GPAT3: variants seen among roughly 807,000 people sequenced by gnomAD.
The protein encoded by GPAT3 is glycerol-3-phosphate acyltransferase 3.
Under a neutral mutation model 58.8 loss-of-function variants are expected in GPAT3, and 53 were observed. The observed-to-expected ratio is 0.90, with a 90% CI of 0.72 to 1.13. The LOEUF (loss-of-function observed/expected upper bound fraction) is 1.13, where lower values mean the gene tolerates loss of function less well. Ranked by LOEUF, GPAT3 falls within the 50% of genes most tolerant of loss-of-function variation. GPAT3 has a pLI of 0.00. For synonymous variants in GPAT3, 197 were observed against 187.4 expected (o/e 1.05, Z -0.42); for missense variants, 511 against 527.6 (o/e 0.97, Z 0.31).
At chr4:83,596,101 G>A (rs1265690316) in intron 7 of GPAT3, among the ~76,000 whole-genome samples, 2 of 152,266 alleles carry the variant, frequency 1.3e-5, no homozygotes, top group African/African-American at 4.8e-5. Context: ...CAGCTTCATG[G>A]TGTGCAAATG....
At chr4:83,557,136 G>A (rs921316595) in intron 2 of GPAT3, among the ~76,000 whole-genome samples, 1 of 152,162 alleles carries the variant, frequency 6.6e-6, no homozygotes, top group Admixed American at 6.5e-5. Flanking sequence ...ACTAGTCTTG[G>A]CAGATGCAAA....
At chr4:83,600,680 A>G (rs1335213895) in intron 11 of GPAT3, among the ~76,000 whole-genome samples, 1 of 151,586 alleles carries the variant, frequency 6.6e-6, no homozygotes, top group African/African-American at 2.4e-5. Context: ...TTTTTTTTGT[A>G]TTTTTAGTAG....
At chr4:83,571,355 T>C (rs1725596551) in intron 2 of GPAT3, among the ~76,000 whole-genome samples, 1 of 152,156 alleles carries the variant, frequency 6.6e-6, no homozygotes. Flanking sequence ...TACATGGTAT[T>C]CTAAAATGTT....
chr4:83,578,970 T>C, intron 2 of GPAT3, among the ~76,000 whole-genome samples: 1 of 131,290 alleles, frequency 7.6e-6, no homozygotes, highest in Non-Finnish European at 1.6e-5. Context: ...CTTTCTTTCT[T>C]TCTTTCTTTC....
In GPAT3 at chr4:83,536,401, C is replaced by T; in HGVS notation, c.-222C>T. 2 of 1,336,172 alleles carry T rather than the reference C, an allele frequency of 1.5e-6. No individual in the cohort carries two copies. The highest frequency in any genetic ancestry group is 5.9e-5 in the East Asian group (2 of 33,814). The allele number at this position is 1,336,172 out of a possible 1,614,324, so 82.8% of individuals were successfully genotyped here. On this transcript the variant is annotated 5_prime_UTR_variant, in exon 1 of 12. Coordinates refer to ENST00000264409, the MANE Select transcript of GPAT3 (RefSeq NM_032717.5). ...CTTCAGCCCAGACCTGGGCAGCCAGCGGAGAAAGAGTTAACTGGCAGGGGC... is the reference window on the plus strand; with the variant it reads ...CTTCAGCCCAGACCTGGGCAGCCAGTGGAGAAAGAGTTAACTGGCAGGGGC...
At chr4:83,562,179 T>TTATA (rs138405336) in intron 2 of GPAT3, among the ~76,000 whole-genome samples, 24 of 86,154 alleles carry the variant, frequency 2.8e-4, no homozygotes, top group East Asian at 1.2e-3. Flanking sequence ...ATTTTATATA[T>TTATA]TATATATATA....
intron 3 of GPAT3, among the ~76,000 whole-genome samples, chr4:83,585,420 A>G (rs1282296322): frequency 6.6e-6 from 1 of 151,114 alleles, no homozygotes; most frequent in African/African-American, 2.4e-5. Flanking sequence ...TGCAACATTA[A>G]TATAATTTCA....
At chr4:83,593,488 TA>T (rs1186482330) in intron 6 of GPAT3, among the ~76,000 whole-genome samples, 3 of 152,160 alleles carry the variant, frequency 2.0e-5, no homozygotes, top group Admixed American at 2.0e-4. Context: ...TTATTTCTAA[TA>T]TTTACATTGG....
At position 83,600,355 on chromosome 4, in the gene GPAT3, A is replaced by G. The variant is rs1341244555; in HGVS notation, c.1205+1632A>G. Reference sequence around the variant, plus strand: ...ATGAGTGCTCCACCCTCATGACCTCATCTAACCCTAATTACCTCCCAAAGG... The same window carrying G: ...ATGAGTGCTCCACCCTCATGACCTCGTCTAACCCTAATTACCTCCCAAAGG... On this transcript the variant is annotated intron_variant, in intron 11 of 11. Coordinates refer to ENST00000264409, the MANE Select transcript of GPAT3 (RefSeq NM_032717.5). Among the ~76,000 whole-genome samples the G allele has an allele frequency of 3.3e-5, 5 of 152,142 alleles. No homozygotes were observed. In the East Asian group the frequency reaches 9.6e-4, roughly 29 times the overall value.
At chr4:83,582,745 A>G (rs1726195020) in intron 3 of GPAT3, among the ~76,000 whole-genome samples, 1 of 152,070 alleles carries the variant, frequency 6.6e-6, no homozygotes, top group African/African-American at 2.4e-5. Flanking sequence ...ACTACAGGGA[A>G]ATGCAGATTT....
At chr4:83,540,430 T>G (rs751162389) in intron 1 of GPAT3, among the ~76,000 whole-genome samples, 9 of 152,184 alleles carry the variant, frequency 5.9e-5, no homozygotes, top group Non-Finnish European at 1.3e-4. Context: ...ATTCAGAACA[T>G]CTGAAAGAGA....
At chr4:83,553,521 C>T (rs1322327965) in intron 2 of GPAT3, among the ~76,000 whole-genome samples, 1 of 152,102 alleles carries the variant, frequency 6.6e-6, no homozygotes, top group East Asian at 1.9e-4. Context: ...TGCATTAGTC[C>T]AAAACCCCTC....
intron 7 of GPAT3, chr4:83,595,169 G>T (rs1726773988): frequency 4.6e-6 from 2 of 438,822 alleles, no homozygotes; most frequent in Non-Finnish European, 8.2e-6. Context: ...GATGGGATTG[G>T]AAGGCCAATG....
intron 11 of GPAT3, among the ~76,000 whole-genome samples, 199 bp downstream of exon 11, chr4:83,598,922 T>C (rs971393769): frequency 2.0e-5 from 3 of 151,814 alleles, no homozygotes; most frequent in African/African-American, 7.3e-5. Flanking sequence ...TCTGAGTAGC[T>C]GGGACTACAA....
intron 2 of GPAT3, among the ~76,000 whole-genome samples, chr4:83,572,565 A>G (rs1418459877): frequency 1.3e-5 from 2 of 152,212 alleles, no homozygotes; most frequent in Non-Finnish European, 2.9e-5. Flanking sequence ...AGAAAGGTAG[A>G]GAACACCAAT....
chr4:83,581,432 G>C (rs1726120402), intron 2 of GPAT3, 130 bp from the exon 3 acceptor site: 2 of 946,800 alleles, frequency 2.1e-6, no homozygotes, highest in Non-Finnish European at 3.2e-6. Flanking sequence ...TACTTCTGAA[G>C]ATGGCTGATG....
chr4:83,575,288 T>C (rs1383373586), intron 2 of GPAT3, among the ~76,000 whole-genome samples: 2 of 152,232 alleles, frequency 1.3e-5, no homozygotes, highest in Non-Finnish European at 2.9e-5. Context: ...TTGAATATTT[T>C]TTCCTGTCAG....
At chr4:83,550,953 G>C (rs1033976821) in intron 2 of GPAT3, among the ~76,000 whole-genome samples, 7 of 152,216 alleles carry the variant, frequency 4.6e-5, no homozygotes, top group Admixed American at 1.3e-4. Flanking sequence ...TGATTGTTAG[G>C]TTAGTCATCT....
chr4:83,555,289 C>T (rs1466737614), intron 2 of GPAT3, among the ~76,000 whole-genome samples: 1 of 152,144 alleles, frequency 6.6e-6, no homozygotes, highest in African/African-American at 2.4e-5. Context: ...TAGATAGCCT[C>T]AGGATGGTGG....
Sources: gnomAD v4.1 joint callset for allele counts (sites outside exome capture counted in the v4.1 genomes callset) on GRCh38, gnomAD v4.1.1 for gene constraint, MANE v1.5 for transcripts, NCBI Gene and HGNC (gene_info 2026-07-23, HGNC 2026-07-21) for gene names.